The following PIEZO1 variants were observed in gnomAD, a reference collection of about 807,000 sequenced individuals.
PIEZO1 encodes the protein piezo type mechanosensitive ion channel component 1 (Er blood group), also known as piezo-type mechanosensitive ion channel component 1.
In PIEZO1, 296 loss-of-function variants were observed where a neutral mutation model predicts 297.2. That is an observed-to-expected ratio of 1.00 (90% CI 0.91 to 1.10). The LOEUF is 1.10. Ranked by LOEUF, PIEZO1 falls within the 50% of genes least tolerant of loss-of-function variation. PIEZO1 has a pLI of 0.00. For missense variants in PIEZO1, 5,018 were observed against 3,455.5 expected (o/e 1.45, Z -11.34); for synonymous variants, 2,427 against 1,507.5 (o/e 1.61, Z -14.13).
In PIEZO1 at chr16:88,735,021, G is replaced by C. The variant is rs114584865; in HGVS notation, c.1702C>G (p.Leu568Val). The C allele has an allele frequency of 6.4e-7, 1 of 1,550,490 alleles. No individual in the cohort carries two copies. Among genetic ancestry groups the C allele is most frequent in the East Asian group, 2.4e-5 (1 of 40,928 alleles). The change falls in exon 14 of 51, where the codon CTG becomes GTG. Residue 568 changes from leucine (L) to valine (V), a missense_variant. Leu to Val is a conservative substitution (Grantham distance 32, BLOSUM62 1). Transcript: ENST00000301015. ...PTRTQTLLQS[L>V]GELVKGVYAK... is the part of the protein sequence containing the mutation. The stretch of plus-strand genomic sequence containing the variant: ...TACACGCCCTTCACCAGCTCCCCCA[G>C]GCTCTGCAACAGCGTCTGCGTCCGC...
At chr16:88,765,518 G>A (rs1907134159) in intron 1 of PIEZO1, among the ~76,000 whole-genome samples, 1 of 152,158 alleles carries the variant, frequency 6.6e-6, no homozygotes, top group Non-Finnish European at 1.5e-5. Context: ...ACCTGTACCA[G>A]AACCATCTTG....
rs1317405621 is a variant in PIEZO1, at chr16:88,722,878, G to A, written c.4627C>T (p.Leu1543=). 11 of 1,548,488 alleles carry A rather than the reference G, an allele frequency of 7.1e-6. 1 individual carries two copies. The Middle Eastern group carries it at 6.7e-4, about 95-fold the overall frequency. Residue 1543 remains leucine, a synonymous_variant, in exon 34 of 51, where the codon CTG becomes TTG. Coordinates refer to ENST00000301015, the MANE Select transcript of PIEZO1 (RefSeq NM_001142864.4). The part of the protein sequence containing the change: ...TRHHGTMSDV[L]RAERYLLTQE... Reference sequence around the variant, plus strand: ...GTGAGGAGGTAGCGCTCTGCCCGCAGCACGTCGCTCATGGTGCCGTGGTGC... The same window carrying A: ...GTGAGGAGGTAGCGCTCTGCCCGCAACACGTCGCTCATGGTGCCGTGGTGC...
At chr16:88,721,086 C>G in intron 39 of PIEZO1, 80 bp downstream of exon 39, 1 of 1,359,250 alleles carries the variant, frequency 7.4e-7, no homozygotes, top group Non-Finnish European at 9.7e-7. Flanking sequence ...TTGGCCGTCT[C>G]ATCTGAGAAA....
Position 88,721,847 on chromosome 16 carries a change from G to C in PIEZO1, c.5175C>G (p.Pro1725=). ...TGGCCGTCATCCAGAAGCGCTTGCT[G>C]GGCCTCGGGATCGACAGCATGGCCC... is the stretch of plus-strand genomic sequence containing the variant. ...FLWAMLSIPR[P]SKRFWMTAIV... is the part of the protein sequence containing the mutation. Residue 1725 remains proline (P), a synonymous_variant, in exon 37 of 51, where the codon CCC becomes CCG. Transcript: ENST00000301015. The C allele has an allele frequency of 1.3e-6, 2 of 1,549,328 alleles. No homozygotes were observed. The highest frequency in any genetic ancestry group is 1.7e-6 in the Non-Finnish European group (2 of 1,146,678).
At position 88,725,523 on chromosome 16, in the gene PIEZO1, T is replaced by C; in HGVS notation, c.4059-4A>G. The C allele has an allele frequency of 6.5e-7, 1 of 1,537,444 alleles. No individual in the cohort carries two copies. Among genetic ancestry groups the C allele is most frequent in the East Asian group, 2.5e-5 (1 of 40,664 alleles). The stretch of plus-strand genomic sequence containing the variant: ...CTTGGCACGGATACGCTCCATCCTG[T>C]GGTGGGGAAAGGTGGGGTATGCTGA... On this transcript the variant is annotated splice_region_variant and splice_polypyrimidine_tract_variant and intron_variant, in intron 28 of 50. Coordinates refer to ENST00000301015, the MANE Select transcript of PIEZO1 (RefSeq NM_001142864.4).
chr16:88,757,327 T>TGGGGGGGGGGGGGG (rs200851830), intron 1 of PIEZO1, among the ~76,000 whole-genome samples: 81 of 42,648 alleles, frequency 1.9e-3, no homozygotes, highest in Non-Finnish European at 2.1e-3. Flanking sequence ...GGCGGGGGGG[T>TGGGGGGGGGGGGGG]GGGGGGTAGT....
chr16:88,727,968 G>A (rs1430743447), intron 22 of PIEZO1: 3 of 228,310 alleles, frequency 1.3e-5, no homozygotes, highest in South Asian at 1.6e-4. Context: ...AGGACAGTGC[G>A]TGTGATAGGA....
chr16:88,779,367 G>C (rs1907822220), intron 1 of PIEZO1, among the ~76,000 whole-genome samples: 2 of 152,172 alleles, frequency 1.3e-5, no homozygotes, highest in Admixed American at 1.3e-4. Context: ...GGCGTCGGGG[G>C]AGCCCCATTT....
chr16:88,719,198 C>T lies in PIEZO1; in HGVS notation c.6471+376G>A, dbSNP rs1162840980. The T allele has an allele frequency of 2.9e-5, 7 of 239,490 alleles. No homozygotes were observed. The East Asian group carries it at 6.6e-4, about 22-fold the overall frequency. 14.8% of individuals were successfully genotyped at this position (239,490 alleles called of 1,614,324 possible). On this transcript the variant is annotated intron_variant, in intron 44 of 50. Transcript: ENST00000301015. ...GAAGGCAGATGCTCAACTGTGAATCCACTAGAAACCCCTGAGTTGTACTTT... is the reference window on the plus strand; with the variant it reads ...GAAGGCAGATGCTCAACTGTGAATCTACTAGAAACCCCTGAGTTGTACTTT...
At chr16:88,757,232 C>T (rs1427066483) in intron 1 of PIEZO1, among the ~76,000 whole-genome samples, 1 of 146,546 alleles carries the variant, frequency 6.8e-6, no homozygotes, top group African/African-American at 2.5e-5. Flanking sequence ...AGACGCGATG[C>T]ATTGAGGTTA....
In PIEZO1 at chr16:88,732,600, A is replaced by T; in HGVS notation, c.2790+7T>A. On this transcript the variant is annotated splice_region_variant and intron_variant, in intron 20 of 50. Coordinates refer to ENST00000301015, the MANE Select transcript of PIEZO1 (RefSeq NM_001142864.4). ...CCGCCCAGCCGCCCACCAGCCCTTC[A>T]ACTCACCTGGATGTAGCCCAGGTTG... The T allele has an allele frequency of 6.5e-7, 1 of 1,547,558 alleles. No homozygotes were observed. Among genetic ancestry groups the T allele is most frequent in the Non-Finnish European group, 8.7e-7 (1 of 1,144,962 alleles).
Position 88,738,751 on chromosome 16 carries a change from G to T in PIEZO1, c.466-15C>A. The T allele has an allele frequency of 6.6e-7, 1 of 1,523,986 alleles. No individual in the cohort carries two copies. Among genetic ancestry groups the T allele is most frequent in the South Asian group, 1.2e-5 (1 of 83,522 alleles). The allele number at this position is 1,523,986 out of a possible 1,614,324, so 94.4% of individuals were successfully genotyped here. ...TCATCATCATCCTGCCAAGGTCACG[G>T]ACAGGGGCAAGGTCAGGTGTATCGC... On this transcript the variant is annotated splice_polypyrimidine_tract_variant and intron_variant, in intron 5 of 50. Coordinates refer to ENST00000301015, the MANE Select transcript of PIEZO1 (RefSeq NM_001142864.4).
rs952530640 is a variant in PIEZO1, at chr16:88,733,388, G to C, written c.2554C>G (p.Pro852Ala). The change falls in exon 19 of 51, where the codon CCC (proline) becomes GCC (alanine). Residue 852 changes from proline (P) to alanine (A), a missense_variant. By Grantham distance (27) the Pro-to-Ala change is conservative. Coordinates refer to ENST00000301015, the MANE Select transcript of PIEZO1 (RefSeq NM_001142864.4). ...AFALPYPRFRPMASCLSTVWT... is the reference protein window; with the variant it reads ...AFALPYPRFRAMASCLSTVWT... ...ACGGTGGACAGGCAGGAGGCCATGG[G>C]CCGGAAGCGTGGGTAGGGCAGGGCG... 1.0e-5 allele frequency: 16 copies of C among 1,550,012 alleles called. No homozygotes were observed. In the Admixed American group the frequency reaches 3.1e-4, roughly 30 times the overall value.
Position 88,732,414 on chromosome 16 carries a change from G to A in PIEZO1, c.2912C>T (p.Thr971Ile). Residue 971 changes from threonine to isoleucine, a missense_variant, in exon 21 of 51, where the codon ACC becomes ATC. Physicochemically the swap from Thr to Ile is moderately conservative, Grantham distance 89. Coordinates refer to ENST00000301015, the MANE Select transcript of PIEZO1 (RefSeq NM_001142864.4). ...CAGATCCTGGTCCAGCTGCTGGCGG[G>A]TGCCGCTGGCAAACACGGCCTGGGC... ...LPAQAVFASG[T>I]RQQLDQDLLG... The A allele has an allele frequency of 6.5e-7, 1 of 1,549,780 alleles. No homozygotes were observed. Among genetic ancestry groups the A allele is most frequent in the South Asian group, 1.2e-5 (1 of 84,060 alleles).
chr16:88,775,285 C>T (rs539000851), intron 1 of PIEZO1, among the ~76,000 whole-genome samples: 47 of 152,326 alleles, frequency 3.1e-4, no homozygotes, highest in African/African-American at 1.0e-3. Flanking sequence ...GCAGACCTAG[C>T]GGCCAGTAGC....
intron 44 of PIEZO1, chr16:88,717,699 G>T (rs1912150100): frequency 1.6e-5 from 7 of 436,480 alleles, no homozygotes; most frequent in Non-Finnish European, 2.7e-5. Context: ...GAAAATTTAA[G>T]AGACAGTCCA....
In PIEZO1 at chr16:88,723,323, C is replaced by G; in HGVS notation, c.4341G>C (p.Ala1447=). 6.5e-7 allele frequency: 1 copy of G among 1,537,936 alleles called. No individual in the cohort carries two copies. The highest frequency in any genetic ancestry group is 8.7e-7 in the Non-Finnish European group (1 of 1,146,654). ...GGGCGTTGGTCACCCATGCCTGGTACGCCAGCTGTCGGCCAGCCCCCGGGT... is the reference window on the plus strand; with the variant it reads ...GGGCGTTGGTCACCCATGCCTGGTAGGCCAGCTGTCGGCCAGCCCCCGGGT... ...RPSAQSAFQL[A]YQAWVTNAQA... Residue 1447 remains alanine, a synonymous_variant, in exon 32 of 51, where the codon GCG becomes GCC. Coordinates refer to ENST00000301015, the MANE Select transcript of PIEZO1 (RefSeq NM_001142864.4).
chr16:88,729,574 A>C (rs1369471831), intron 22 of PIEZO1, among the ~76,000 whole-genome samples: 2 of 137,234 alleles, frequency 1.5e-5, no homozygotes, highest in Non-Finnish European at 3.1e-5. Flanking sequence ...TCGTGACCCA[A>C]AAACAAAGTG....
chr16:88,779,555 A>C (rs1907831687), intron 1 of PIEZO1, among the ~76,000 whole-genome samples: 1 of 152,186 alleles, frequency 6.6e-6, no homozygotes, highest in Non-Finnish European at 1.5e-5. Flanking sequence ...CAGAACTTGG[A>C]CTTCTGGCTG....
Sources: allele counts gnomAD v4.1 joint callset (sites outside exome capture counted in the v4.1 genomes callset), GRCh38; gene constraint gnomAD v4.1.1; transcripts MANE v1.5; gene names NCBI Gene and HGNC (gene_info 2026-07-23, HGNC 2026-07-21).